The following KLF7 variants were observed in gnomAD, a reference collection of about 807,000 sequenced individuals.
KLF7 encodes KLF transcription factor 7.
Under a neutral mutation model 27.3 loss-of-function variants are expected in KLF7, and 2 were observed. That is an observed-to-expected ratio of 0.07 (90% CI 0.03 to 0.23). KLF7 has a LOEUF of 0.23. KLF7 is among the 10% of genes least tolerant of loss of function. KLF7 has a pLI of 1.00. For synonymous variants in KLF7, 165 were observed against 162.4 expected, an observed-to-expected ratio of 1.02 and a Z score of -0.12; for missense variants, 221 against 394.1, an observed-to-expected ratio of 0.56 and a Z score of 3.72.
chr2:207,159,836 G>A (rs1446194743), intron 1 of KLF7, among the ~76,000 whole-genome samples: 2 of 152,116 alleles, frequency 1.3e-5, no homozygotes, highest in Non-Finnish European at 2.9e-5. Context: ...ATGGACATGA[G>A]TCGTTTAAAC....
chr2:207,083,183 A>T (rs6716790), intron 3 of KLF7, among the ~76,000 whole-genome samples: 12,857 of 152,238 alleles, frequency 0.084, 667 homozygotes, highest in Non-Finnish European at 0.12. Flanking sequence ...ACTCCATGTC[A>T]CTGGTACACA....
intron 2 of KLF7, among the ~76,000 whole-genome samples, chr2:207,122,486 A>C (rs72958374): frequency 6.6e-6 from 1 of 152,290 alleles, no homozygotes; most frequent in Non-Finnish European, 1.5e-5. Context: ...TCTACTACAC[A>C]AAAACAGTTC....
intron 1 of KLF7, among the ~76,000 whole-genome samples, chr2:207,136,708 G>A (rs1407515837): frequency 6.6e-6 from 1 of 152,198 alleles, no homozygotes; most frequent in East Asian, 1.9e-4. Flanking sequence ...CCAGCACCCA[G>A]CACAGTACCT....
intron 1 of KLF7, among the ~76,000 whole-genome samples, chr2:207,153,938 C>T (rs540295066): frequency 6.6e-6 from 1 of 152,286 alleles, no homozygotes; most frequent in South Asian, 2.1e-4. Context: ...TCCATAGGTG[C>T]TAGGCTAAAC....
chr2:207,099,098 C>T (rs2076697428), intron 2 of KLF7, among the ~76,000 whole-genome samples: 1 of 152,098 alleles, frequency 6.6e-6, no homozygotes, highest in African/African-American at 2.4e-5. Context: ...AAGGAAACTT[C>T]CCCTAAAAAT....
intron 1 of KLF7, among the ~76,000 whole-genome samples, chr2:207,141,870 C>T (rs142202854): frequency 3.9e-5 from 6 of 152,148 alleles, no homozygotes; most frequent in African/African-American, 1.2e-4. Flanking sequence ...TTAAGCCTCA[C>T]GTCCCACAGT....
chr2:207,130,089 C>T lies in KLF7; in HGVS notation c.103-5685G>A, dbSNP rs1352784091. ...GGAACTTGCCAGTCAGGATTGCACA[C>T]ATCTCCTGTCACATTGACTATTTCC... is the stretch of plus-strand genomic sequence containing the variant. On this transcript the variant is annotated intron_variant, in intron 1 of 3. Transcript: ENST00000309446. 2.0e-5 allele frequency among the ~76,000 whole-genome samples: 3 copies of T among 152,226 alleles called. No homozygotes were observed. The East Asian group carries it at 5.8e-4, about 29-fold the overall frequency.
chr2:207,167,910 T>G (rs2078753948), upstream of KLF7, among the ~76,000 whole-genome samples: 1 of 152,188 alleles, frequency 6.6e-6, no homozygotes, highest in Admixed American at 6.5e-5. Context: ...GTCTCCCCAC[T>G]TGAGCTATGT....
At chr2:207,166,803 C>T, upstream of KLF7, 12 of 1,004,122 alleles carry the variant, frequency 1.2e-5, no homozygotes, top group African/African-American at 1.7e-5. Context: ...CCGAACTCCC[C>T]ACGGGCTGCC....
At chr2:207,166,294 C>A (rs1422397222), upstream of KLF7, 2 of 485,594 alleles carry the variant, frequency 4.1e-6, no homozygotes, top group South Asian at 8.8e-5. Flanking sequence ...CGGATTGGCA[C>A]GCTGCGGATC....
At chr2:207,158,329 CA>C (rs2078447162) in intron 1 of KLF7, among the ~76,000 whole-genome samples, 2 of 151,348 alleles carry the variant, frequency 1.3e-5, no homozygotes, top group Admixed American at 1.3e-4. Context: ...CATCAGACCT[CA>C]AAAGACTTTT....
chr2:207,120,640 G>C (rs914956363), intron 2 of KLF7, among the ~76,000 whole-genome samples: 1 of 152,076 alleles, frequency 6.6e-6, no homozygotes, highest in Admixed American at 6.5e-5. Flanking sequence ...AAAATAGCTT[G>C]CCTGAATCCA....
At chr2:207,130,674 T>C (rs2077606635) in intron 1 of KLF7, among the ~76,000 whole-genome samples, 1 of 152,158 alleles carries the variant, frequency 6.6e-6, no homozygotes, top group Admixed American at 6.5e-5. Context: ...TTCAATACCA[T>C]CACTTTTCAA....
intron 2 of KLF7, chr2:207,121,528 T>C (rs750398320): frequency 6.6e-6 from 1 of 152,188 alleles, no homozygotes; most frequent in Non-Finnish European, 1.5e-5. Context: ...ACTGAGGTCA[T>C]AAATCTAGGA....
At chr2:207,106,103 ATATAAAAT>A (rs1360641475) in intron 2 of KLF7, among the ~76,000 whole-genome samples, 1 of 152,254 alleles carries the variant, frequency 6.6e-6, no homozygotes, top group East Asian at 1.9e-4. Context: ...ATGCTAGAAA[ATATAAAAT>A]TATATATGTG....
In KLF7 at chr2:207,124,164, C is replaced by T. The variant is rs372341499; in HGVS notation, c.343G>A (p.Ala115Thr). 22 of 1,614,004 alleles carry T rather than the reference C, an allele frequency of 1.4e-5. No homozygotes were observed. The highest frequency in any genetic ancestry group is 1.6e-4 in the Middle Eastern group (1 of 6,084). ...LSETCLSLQP[A>T]SSSLDSYTAV... ...GTGTAGCTGTCTAGAGAAGAGCTGG[C>T]CGGCTGGAGGCTGAGGCAGGTCTCA... Residue 115 changes from alanine to threonine, a missense_variant, in exon 2 of 4, where the codon GCC (alanine) becomes ACC (threonine). By Grantham distance (58) the Ala-to-Thr change is moderately conservative (BLOSUM62 0). Coordinates refer to ENST00000309446, the MANE Select transcript of KLF7 (RefSeq NM_003709.4).
chr2:207,099,551 G>GAGATATATATATATATATATATATAT (rs150515096), intron 2 of KLF7, among the ~76,000 whole-genome samples: 12 of 57,568 alleles, frequency 2.1e-4, no homozygotes, highest in Admixed American at 5.9e-4. Flanking sequence ...CTACATATGC[G>GAGATATATATATATATATATATATAT]ATATATATAT....
rs2076441613 is a variant in KLF7 at position 207,088,565 on chromosome 2, C to T, written c.750G>A (p.Lys250=). The change falls in exon 3 of 4, where the codon AAG becomes AAA. Residue 250 remains lysine (K), a synonymous_variant. Transcript: ENST00000309446. Reference sequence around the variant, plus strand: ...GCCACTCACATCCCTCCCATGAGCACTTATAAGGCTTCTCACCTGCAAGAA... The same window carrying T: ...GCCACTCACATCCCTCCCATGAGCATTTATAAGGCTTCTCACCTGCAAGAA... ...QRTHTGEKPY[K]CSWEGCEWRF... The T allele has an allele frequency of 6.2e-7, 1 of 1,613,850 alleles. No individual in the cohort carries two copies. The highest frequency in any genetic ancestry group is 2.2e-5 in the East Asian group (1 of 44,862).
chr2:207,082,513 C>T (rs765186174), intron 3 of KLF7, among the ~76,000 whole-genome samples: 1 of 152,216 alleles, frequency 6.6e-6, no homozygotes, highest in African/African-American at 2.4e-5. Flanking sequence ...TGGAGGCTAA[C>T]TGCAGTCTAT....
Sources: gnomAD v4.1 joint callset for allele counts (sites outside exome capture counted in the v4.1 genomes callset) on GRCh38, gnomAD v4.1.1 for gene constraint, MANE v1.5 for transcripts, NCBI Gene and HGNC (gene_info 2026-07-23, HGNC 2026-07-21) for gene names.